SLC4A5: variants seen among roughly 807,000 people sequenced by gnomAD.
The protein encoded by SLC4A5 is solute carrier family 4 member 5, also known as electrogenic sodium bicarbonate cotransporter 4.
SLC4A5 carries 96 observed loss-of-function variants against 120.4 expected under a neutral mutation model. That is an observed-to-expected ratio of 0.80 (90% CI 0.68 to 0.94). The LOEUF is 0.94. Ranked by LOEUF, SLC4A5 falls within the 40% of genes least tolerant of loss-of-function variation. SLC4A5 has a pLI of 0.00. For missense variants in SLC4A5, 1,259 were observed against 1,459.5 expected (o/e 0.86, Z 2.24); for synonymous variants, 550 against 571.1 (o/e 0.96, Z 0.53).
intron 6 of SLC4A5, 72 bp from the exon 7 acceptor site, chr2:74,304,752 G>A (rs1263746666): frequency 2.1e-6 from 3 of 1,459,924 alleles, no homozygotes; most frequent in Non-Finnish European, 1.9e-6. Context: ...ATATTCATCA[G>A]TTACAAAGAG....
At chr2:74,291,483 A>C (rs1032405470) in intron 7 of SLC4A5, among the ~76,000 whole-genome samples, 1 of 152,200 alleles carries the variant, frequency 6.6e-6, no homozygotes, top group African/African-American at 2.4e-5. Flanking sequence ...ACCAAGACCC[A>C]GTTTACCCCA....
At chr2:74,225,051 A>G (rs1694794359) in intron 27 of SLC4A5, 56 bp from the exon 28 acceptor site, 2 of 1,552,208 alleles carry the variant, frequency 1.3e-6, no homozygotes, top group Non-Finnish European at 1.8e-6. Flanking sequence ...TGTGGTCTCA[A>G]TGCCCAAACT....
At chr2:74,252,543 A>T (rs1670827038) in intron 15 of SLC4A5, among the ~76,000 whole-genome samples, 155 bp from the exon 16 acceptor site, 1 of 152,256 alleles carries the variant, frequency 6.6e-6, no homozygotes, top group South Asian at 2.1e-4. Context: ...AAATGTTCAC[A>T]TTTAGCCATA....
intron 3 of SLC4A5, among the ~76,000 whole-genome samples, chr2:74,334,721 C>T (rs7340448): frequency 0.052 from 7,889 of 151,644 alleles, 690 homozygotes; most frequent in African/African-American, 0.18. Context: ...ACTGTGGCAT[C>T]TTGGACAACT....
At chr2:74,216,708 A>G (rs1245381585) in exon 31 of SLC4A5, 1 of 152,170 alleles carries the variant, frequency 6.6e-6, no homozygotes, top group African/African-American at 2.4e-5. Context: ...TCCTGGACTT[A>G]AACGATCCTC....
At chr2:74,259,230 G>A (rs1006502) in intron 12 of SLC4A5, among the ~76,000 whole-genome samples, 52,546 of 152,082 alleles carry the variant, frequency 0.35, 12,977 homozygotes, top group East Asian at 0.75. Flanking sequence ...GCCAGCCCCA[G>A]TCCCTATCCC....
At chr2:74,241,308 G>A (rs13004677) in intron 20 of SLC4A5, among the ~76,000 whole-genome samples, 9 of 149,210 alleles carry the variant, frequency 6.0e-5, no homozygotes, top group East Asian at 3.9e-4. Context: ...CTCTGTCACC[G>A]AGGCTGGAGT....
chr2:74,324,627 A>G (rs575252639), intron 5 of SLC4A5, among the ~76,000 whole-genome samples: 1 of 152,320 alleles, frequency 6.6e-6, no homozygotes, highest in South Asian at 2.1e-4. Context: ...TGATTTTTAA[A>G]AAGCTGATAT....
intron 8 of SLC4A5, among the ~76,000 whole-genome samples, chr2:74,282,301 G>A (rs1558893460): frequency 1.3e-5 from 2 of 152,230 alleles, no homozygotes; most frequent in Admixed American, 6.5e-5. Flanking sequence ...AGCAGAAGTC[G>A]AGAAAGCTAC....
At chr2:74,315,120 T>A in intron 5 of SLC4A5, 95 bp from the exon 6 acceptor site, 2 of 1,037,902 alleles carry the variant, frequency 1.9e-6, no homozygotes, top group Non-Finnish European at 3.0e-6. Flanking sequence ...TAATGGGAGA[T>A]TTTAATACAG....
At chr2:74,309,263 A>T (rs1195555351) in intron 6 of SLC4A5, among the ~76,000 whole-genome samples, 1 of 151,802 alleles carries the variant, frequency 6.6e-6, no homozygotes, top group Non-Finnish European at 1.5e-5. Flanking sequence ...CAGTTATTCC[A>T]TCACCATTTG....
intron 6 of SLC4A5, among the ~76,000 whole-genome samples, 182 bp from the exon 7 acceptor site, chr2:74,304,862 C>G (rs1672591948): frequency 6.6e-6 from 1 of 152,154 alleles, no homozygotes; most frequent in African/African-American, 2.4e-5. Context: ...ACCAAATCAA[C>G]AGTTGCTGGA....
rs892292861 is a variant in SLC4A5 at position 74,273,985 on chromosome 2, CAA to C, written c.402-8723_402-8722del. ...TTTGAGACCAGCCTGGCCAACATGGCAAAACCCTGTCTGTACTAAAAATACAA... is the reference window on the plus strand; with the variant it reads ...TTTGAGACCAGCCTGGCCAACATGGCAACCCTGTCTGTACTAAAAATACAA... On this transcript the variant is annotated intron_variant, in intron 8 of 30. Transcript: ENST00000394019. 3.3e-4 allele frequency among the ~76,000 whole-genome samples: 50 copies of C among 152,326 alleles called. 2 individuals are homozygous for C. Among genetic ancestry groups the C allele is most frequent in the African/African-American group, 1.1e-3 (45 of 41,576 alleles).
At chr2:74,271,890 C>T (rs1671486412) in intron 8 of SLC4A5, among the ~76,000 whole-genome samples, 2 of 151,802 alleles carry the variant, frequency 1.3e-5, no homozygotes, top group African/African-American at 2.4e-5. Context: ...TTGAGACCTG[C>T]CTGAGAAACA....
chr2:74,313,551 C>T (rs1672873196), intron 6 of SLC4A5, among the ~76,000 whole-genome samples: 2 of 152,168 alleles, frequency 1.3e-5, no homozygotes, highest in South Asian at 4.1e-4. Flanking sequence ...CTTCTGGATC[C>T]CATTCTCTCC....
At chr2:74,290,900 A>G (rs1282398900) in intron 7 of SLC4A5, among the ~76,000 whole-genome samples, 1 of 152,028 alleles carries the variant, frequency 6.6e-6, no homozygotes, top group Non-Finnish European at 1.5e-5. Context: ...GCCCCTTTAT[A>G]AAGGCAGGGG....
intron 7 of SLC4A5, among the ~76,000 whole-genome samples, chr2:74,295,693 A>G (rs1210610063): frequency 6.6e-6 from 1 of 152,186 alleles, no homozygotes; most frequent in Non-Finnish European, 1.5e-5. Flanking sequence ...TATCTCTACA[A>G]AGTAAACCCC....
At chr2:74,337,774 A>C (rs551871681) in intron 3 of SLC4A5, among the ~76,000 whole-genome samples, 2 of 152,346 alleles carry the variant, frequency 1.3e-5, no homozygotes, top group East Asian at 3.9e-4. Flanking sequence ...TGCCTTGGAC[A>C]GTAACTATCT....
At chr2:74,231,404 C>T in intron 24 of SLC4A5, 96 bp from the exon 25 acceptor site, 1 of 1,158,944 alleles carries the variant, frequency 8.6e-7, no homozygotes, top group Non-Finnish European at 1.2e-6. Context: ...AGCTTGTGTC[C>T]AAGGCCATGG....
Sources: gnomAD v4.1 joint callset for allele counts (sites outside exome capture counted in the v4.1 genomes callset) on GRCh38, gnomAD v4.1.1 for gene constraint, MANE v1.5 for transcripts, NCBI Gene and HGNC (gene_info 2026-07-23, HGNC 2026-07-21) for gene names.